TMEM150A: variants seen among roughly 807,000 people sequenced by gnomAD.
TMEM150A encodes fasting-inducible integral membrane protein TM6P1.
A neutral mutation model predicts 29.8 loss-of-function variants in TMEM150A; 18 were observed. The ratio of observed to expected loss-of-function variants is 0.60; its 90% CI spans 0.42 to 0.90. The LOEUF is 0.90. Among genes scored for constraint, TMEM150A ranks in the 40% least tolerant of loss-of-function variants. The pLI is 0.00. For missense variants in TMEM150A, 251 were observed against 349.7 expected (o/e 0.72, Z 2.25); for synonymous variants, 127 against 143.6 (o/e 0.88, Z 0.83).
chr2:85,599,597 C>T lies in TMEM150A; in HGVS notation c.502G>A (p.Ala168Thr), dbSNP rs748423792. The T allele has an allele frequency of 4.3e-6, 7 of 1,613,884 alleles. No homozygotes were observed. The highest frequency in any genetic ancestry group is 2.2e-5 in the South Asian group (2 of 91,080). The change falls in exon 7 of 8, where the codon GCC becomes ACC. Residue 168 changes from alanine to threonine, a missense_variant. Physicochemically the swap from Ala to Thr is moderately conservative, Grantham distance 58. Transcript: ENST00000334462. This position sits in a 1 kb window ranked among gnomAD's most constrained non-coding sequence, Gnocchi z 6.0. ...TAGGCCACAGCCAGGTCCAGCGGGG[C>T]GGTGGCCCCTTGGTAGGAGAGAGCA... ...HCALSYQGAT[A>T]PLDLAVAYLR...
chr2:85,601,826 G>C lies in TMEM150A; in HGVS notation c.65+58C>G. 1 of 1,593,132 alleles carries C rather than the reference G, an allele frequency of 6.3e-7. No homozygotes were observed. The highest frequency in any genetic ancestry group is 8.6e-7 in the Non-Finnish European group (1 of 1,162,230). On this transcript the variant is annotated intron_variant, in intron 2 of 7. Coordinates refer to ENST00000334462, the MANE Select transcript of TMEM150A (RefSeq NM_001031738.3). This position sits in a 1 kb window ranked among gnomAD's most constrained non-coding sequence, Gnocchi z 4.0. ...TACCACCGTGGCTATGACAGGACAA[G>C]AGACTTTGTGTGCGTCATCAAGCTC...
Position 85,599,162 on chromosome 2 carries a change from T to G in TMEM150A, c.730A>C (p.Thr244Pro), listed in dbSNP as rs751864631. 9 of 1,613,086 alleles carry G rather than the reference T, an allele frequency of 5.6e-6. No homozygotes were observed. In the South Asian group the frequency reaches 9.9e-5, roughly 18 times the overall value. ...GAGGACTTGCAGGCCCGGCCAGGGGTAGGCTGCAGTGCAGCCACCAGTGTG... is the reference window on the plus strand; with the variant it reads ...GAGGACTTGCAGGCCCGGCCAGGGGGAGGCTGCAGTGCAGCCACCAGTGTG... ...SDTLVAALQP[T>P]PGRACKSSGS... Residue 244 changes from threonine (T) to proline (P), a missense_variant, in exon 8 of 8, where the codon ACC becomes CCC. Physicochemically the swap from Thr to Pro is conservative, Grantham distance 38 (BLOSUM62 -1). Coordinates refer to ENST00000334462, the MANE Select transcript of TMEM150A (RefSeq NM_001031738.3). The surrounding 1 kb of genome is among the most constrained non-coding windows in gnomAD (Gnocchi z 6.0).
In TMEM150A at chr2:85,600,394, G is replaced by A; in HGVS notation, c.219C>T (p.Pro73=). The A allele has an allele frequency of 6.2e-7, 1 of 1,614,042 alleles. No homozygotes were observed. The highest frequency in any genetic ancestry group is 8.5e-7 in the Non-Finnish European group (1 of 1,180,000). The change falls in exon 5 of 8, where the codon CCC becomes CCT. Residue 73 remains proline, a synonymous_variant. Coordinates refer to ENST00000334462, the MANE Select transcript of TMEM150A (RefSeq NM_001031738.3). ...TGAGGCTGAAGAGGCAGCTTTCTGG[G>A]GGATAGGAGCCACACTTGCTGCGAG... is the stretch of plus-strand genomic sequence containing the variant. ...VPLISKCGSY[P]PESCLFSLIG...
intron 4 of TMEM150A, 159 bp from the exon 5 acceptor site, chr2:85,600,571 C>T (rs904942439): frequency 4.3e-5 from 27 of 633,764 alleles, no homozygotes; most frequent in Admixed American, 7.7e-5. Context: ...ACAACTGGTT[C>T]CAGGCTGGGC....
chr2:85,601,830 CTT>C lies in TMEM150A; in HGVS notation c.65+52_65+53del, dbSNP rs1672983151. ...ACCGTGGCTATGACAGGACAAGAGACTTTGTGTGCGTCATCAAGCTCCTGTTG... is the reference window on the plus strand; with the variant it reads ...ACCGTGGCTATGACAGGACAAGAGACTGTGTGCGTCATCAAGCTCCTGTTG... On this transcript the variant is annotated intron_variant, in intron 2 of 7. Transcript: ENST00000334462. The surrounding 1 kb of genome is among the most constrained non-coding windows in gnomAD (Gnocchi z 4.0). 5.0e-6 allele frequency: 8 copies of C among 1,597,366 alleles called. No homozygotes were observed. The highest frequency in any genetic ancestry group is 6.0e-6 in the Non-Finnish European group (7 of 1,165,740).
In TMEM150A at chr2:85,598,823, GGTGA is replaced by G. The variant is rs974483304; in HGVS notation, c.*249_*252del. ...TAGAAGGCACCTGAAGGGCTGGCTG[GGTGA>G]GTGAGGACAGGTGACCTTTAAAAAC... On this transcript the variant is annotated 3_prime_UTR_variant, in exon 8 of 8. Transcript: ENST00000334462. 5 of 488,522 alleles carry G rather than the reference GGTGA, an allele frequency of 1.0e-5. No individual in the cohort carries two copies. Among genetic ancestry groups the G allele is most frequent in the East Asian group, 3.9e-5 (1 of 25,508 alleles). The allele number at this position is 488,522 out of a possible 1,614,324, so 30.3% of individuals were successfully genotyped here.
At chr2:85,600,624 C>T in intron 4 of TMEM150A, 1 of 590,454 alleles carries the variant, frequency 1.7e-6, no homozygotes, top group South Asian at 2.1e-5. Flanking sequence ...AGGGAGTGCC[C>T]AGGAGTGTTC....
Position 85,601,696 on chromosome 2 carries a change from T to C in TMEM150A, c.65+188A>G, listed in dbSNP as rs1672972237. On this transcript the variant is annotated intron_variant, in intron 2 of 7. Transcript: ENST00000334462. The surrounding 1 kb of genome is among the most constrained non-coding windows in gnomAD (Gnocchi z 4.0). Reference sequence around the variant, plus strand: ...GGAAATTGCCCTGGCTAGAAGTATATTTGTCAGGGCCACCCTGCTGGACAG... The same window carrying C: ...GGAAATTGCCCTGGCTAGAAGTATACTTGTCAGGGCCACCCTGCTGGACAG... 1 of 868,822 alleles carries C rather than the reference T, an allele frequency of 1.2e-6. No homozygotes were observed. Among genetic ancestry groups the C allele is most frequent in the African/African-American group, 1.7e-5 (1 of 59,280 alleles). 53.8% of individuals were successfully genotyped at this position (868,822 alleles called of 1,614,324 possible).
In TMEM150A at chr2:85,599,223, G is replaced by C; in HGVS notation, c.669C>G (p.Gly223=). Residue 223 remains glycine (G), a synonymous_variant, in exon 8 of 8, where the codon GGC becomes GGG. Transcript: ENST00000334462. This position sits in a 1 kb window ranked among gnomAD's most constrained non-coding sequence, Gnocchi z 6.0. The part of the protein sequence containing the change: ...VCVIDILIFY[G]TFSYEFGAVS... The stretch of plus-strand genomic sequence containing the variant: ...CTGCCCCAAACTCGTAGCTGAAGGT[G>C]CCATAGAAAATGAGGATATCGATGA... 1 of 1,613,990 alleles carries C rather than the reference G, an allele frequency of 6.2e-7. No individual in the cohort carries two copies. The highest frequency in any genetic ancestry group is 8.5e-7 in the Non-Finnish European group (1 of 1,180,010).
At position 85,601,751 on chromosome 2, in the gene TMEM150A, T is replaced by C; in HGVS notation, c.65+133A>G. The C allele has an allele frequency of 9.2e-7, 1 of 1,091,692 alleles. No homozygotes were observed. The highest frequency in any genetic ancestry group is 1.6e-5 in the African/African-American group (1 of 64,422). The allele number at this position is 1,091,692 out of a possible 1,614,324, so 67.6% of individuals were successfully genotyped here. ...GGTGCCAGCTTGTCCCAAGGGGCTG[T>C]GTGCCCAGGCACCAAGTCAGGCTTT... is the stretch of plus-strand genomic sequence containing the variant. On this transcript the variant is annotated intron_variant, in intron 2 of 7. Transcript: ENST00000334462. This position sits in a 1 kb window ranked among gnomAD's most constrained non-coding sequence, Gnocchi z 4.0.
At chr2:85,600,733 G>C (rs1672888136) in intron 4 of TMEM150A, 1 of 550,838 alleles carries the variant, frequency 1.8e-6, no homozygotes, top group South Asian at 2.3e-5. Flanking sequence ...CTTAAATCCA[G>C]GTGCCTCCGC....
At chr2:85,600,469 A>AT (rs949211253) in intron 4 of TMEM150A, 57 bp from the exon 5 acceptor site, 5 of 1,375,536 alleles carry the variant, frequency 3.6e-6, no homozygotes, top group Non-Finnish European at 5.2e-6. Context: ...GGGGGCCCCC[A>AT]TTTTGGCTCA....
Position 85,601,052 on chromosome 2 carries a change from A to G in TMEM150A, c.169T>C (p.Cys57Arg), listed in dbSNP as rs768651967. ...AGGGGGACATCGTCCAGGGTGCAGCAGGTCTTGGGACCCCCTTGCTCAGCA... is the reference window on the plus strand; with the variant it reads ...AGGGGGACATCGTCCAGGGTGCAGCGGGTCTTGGGACCCCCTTGCTCAGCA... ...DPAEQGGPKT[C>R]CTLDDVPLIS... Residue 57 changes from cysteine (C) to arginine (R), a missense_variant, in exon 4 of 8, where the codon TGC (cysteine) becomes CGC (arginine). Physicochemically the swap from Cys to Arg is radical, Grantham distance 180. Transcript: ENST00000334462. The surrounding 1 kb of genome is among the most constrained non-coding windows in gnomAD (Gnocchi z 4.0). 1 of 1,612,714 alleles carries G rather than the reference A, an allele frequency of 6.2e-7. No individual in the cohort carries two copies. The highest frequency in any genetic ancestry group is 8.5e-7 in the Non-Finnish European group (1 of 1,179,542).
chr2:85,601,733 G>A lies in TMEM150A; in HGVS notation c.65+151C>T. On this transcript the variant is annotated intron_variant, in intron 2 of 7. Transcript: ENST00000334462. The surrounding 1 kb of genome is among the most constrained non-coding windows in gnomAD (Gnocchi z 4.0). Reference sequence around the variant, plus strand: ...ACCCTGCTGGACAGCAGTGGTGCCAGCTTGTCCCAAGGGGCTGTGTGCCCA... The same window carrying A: ...ACCCTGCTGGACAGCAGTGGTGCCAACTTGTCCCAAGGGGCTGTGTGCCCA... 5.1e-6 allele frequency: 5 copies of A among 986,262 alleles called. No individual in the cohort carries two copies. Among genetic ancestry groups the A allele is most frequent in the Non-Finnish European group, 7.8e-6 (5 of 640,670 alleles). The allele number at this position is 986,262 out of a possible 1,614,324, so 61.1% of individuals were successfully genotyped here.
rs1223251929 is a variant in TMEM150A at position 85,599,689 on chromosome 2, C to A, written c.410G>T (p.Arg137Met). The change falls in exon 7 of 8, where the codon AGG becomes ATG. Residue 137 changes from arginine to methionine, a missense_variant. Arg to Met is a moderately conservative substitution (Grantham distance 91). Transcript: ENST00000334462. The surrounding 1 kb of genome is among the most constrained non-coding windows in gnomAD (Gnocchi z 6.0). ...GCCAGCTCCAACGTAGTGCAGAGACCTGGCATGATCCACCTGGGCCCAGAG... is the reference window on the plus strand; with the variant it reads ...GCCAGCTCCAACGTAGTGCAGAGACATGGCATGATCCACCTGGGCCCAGAG... ...VVGNFQVDHARSLHYVGAGVA... is the reference protein window; with the variant it reads ...VVGNFQVDHAMSLHYVGAGVA... 6.2e-7 allele frequency: 1 copy of A among 1,612,772 alleles called. No homozygotes were observed. Among genetic ancestry groups the A allele is most frequent in the Non-Finnish European group, 8.5e-7 (1 of 1,179,730 alleles).
intron 5 of TMEM150A, 65 bp downstream of exon 5, chr2:85,600,280 T>G: frequency 1.1e-5 from 17 of 1,576,876 alleles, no homozygotes; most frequent in Admixed American, 1.7e-5. Flanking sequence ...AAGGGCTTCC[T>G]GGGCCTTTCT....
At position 85,601,053 on chromosome 2, in the gene TMEM150A, G is replaced by T. The variant is rs1672914530; in HGVS notation, c.168C>A (p.Thr56=). Residue 56 remains threonine (T), a synonymous_variant, in exon 4 of 8, where the codon ACC becomes ACA. Transcript: ENST00000334462. The surrounding 1 kb of genome is among the most constrained non-coding windows in gnomAD (Gnocchi z 4.0). ...GGGGGACATCGTCCAGGGTGCAGCA[G>T]GTCTTGGGACCCCCTTGCTCAGCAG... is the stretch of plus-strand genomic sequence containing the variant. The part of the protein sequence containing the change: ...PDPAEQGGPK[T]CCTLDDVPLI... 6.2e-7 allele frequency: 1 copy of T among 1,612,772 alleles called. No individual in the cohort carries two copies. Among genetic ancestry groups the T allele is most frequent in the African/African-American group, 1.3e-5 (1 of 74,996 alleles).
intron 4 of TMEM150A, chr2:85,600,708 A>G: frequency 5.5e-6 from 3 of 548,700 alleles, no homozygotes; most frequent in Non-Finnish European, 9.7e-6. Flanking sequence ...GGGCTGGGCA[A>G]TCTGAGGGCT....
In TMEM150A at chr2:85,601,807, C is replaced by A; in HGVS notation, c.65+77G>T. 1 of 1,534,360 alleles carries A rather than the reference C, an allele frequency of 6.5e-7. No individual in the cohort carries two copies. Among genetic ancestry groups the A allele is most frequent in the Middle Eastern group, 1.7e-4 (1 of 5,874 alleles). On this transcript the variant is annotated intron_variant, in intron 2 of 7. Coordinates refer to ENST00000334462, the MANE Select transcript of TMEM150A (RefSeq NM_001031738.3). The surrounding 1 kb of genome is among the most constrained non-coding windows in gnomAD (Gnocchi z 4.0). The stretch of plus-strand genomic sequence containing the variant: ...CACCCAGAGTGACCCTGGGTACCAC[C>A]GTGGCTATGACAGGACAAGAGACTT...
Sources: gnomAD v4.1 joint callset for allele counts on GRCh38, gnomAD v4.1.1 for gene constraint, Gnocchi (gnomAD v3.1) non-coding constraint, MANE v1.5 for transcripts, NCBI Gene and HGNC (gene_info 2026-07-23, HGNC 2026-07-21) for gene names.